The following ANP32A variants were observed in gnomAD, a reference collection of about 807,000 sequenced individuals.
The protein encoded by ANP32A is acidic leucine-rich nuclear phosphoprotein 32 family member A.
Under a neutral mutation model 33.9 loss-of-function variants are expected in ANP32A, and 1 was observed. The ratio of observed to expected loss-of-function variants is 0.03; its 90% CI spans 0.01 to 0.14. The LOEUF (loss-of-function observed/expected upper bound fraction) is 0.14. ANP32A is among the 10% of genes least tolerant of loss of function. ANP32A has a pLI of 1.00. For synonymous variants in ANP32A, 115 were observed against 120.5 expected (o/e 0.95, Z 0.30); for missense variants, 155 against 306.0 (o/e 0.51, Z 3.68).
Position 68,780,591 on chromosome 15 carries a change from A to AGACTT in ANP32A, c.625-123_625-119dup, listed in dbSNP as rs1401443303. On this transcript the variant is annotated intron_variant, in intron 5 of 6. Transcript: ENST00000465139. This position sits in a 1 kb window ranked among gnomAD's most constrained non-coding sequence, Gnocchi z 4.3. ...CCCCAGCCTCTCAGAGCCCCCACCA[A>AGACTT]GACTTGACATCTCGGGAGGAATGTA... The AGACTT allele has an allele frequency of 6.7e-7, 1 of 1,487,938 alleles. No homozygotes were observed. Among genetic ancestry groups the AGACTT allele is most frequent in the Non-Finnish European group, 8.9e-7 (1 of 1,119,186 alleles). The allele number at this position is 1,487,938 out of a possible 1,614,324, so 92.2% of individuals were successfully genotyped here.
intron 1 of ANP32A, among the ~76,000 whole-genome samples, chr15:68,811,609 T>A (rs1305788272): frequency 6.6e-6 from 1 of 152,180 alleles, no homozygotes; most frequent in East Asian, 1.9e-4. Context: ...TAGAGTCCAA[T>A]GTCAGGACTG....
intron 1 of ANP32A, among the ~76,000 whole-genome samples, chr15:68,807,482 T>C (rs1437618124): frequency 3.4e-5 from 5 of 145,964 alleles, no homozygotes; most frequent in Non-Finnish European, 6.1e-5. Context: ...CCCCTCCGCT[T>C]CACAGCTCCA....
intron 1 of ANP32A, among the ~76,000 whole-genome samples, chr15:68,809,558 C>T (rs1426841639): frequency 6.6e-6 from 1 of 152,124 alleles, no homozygotes; most frequent in Non-Finnish European, 1.5e-5. Context: ...GCAAGGTAGA[C>T]ATACTGGGGC....
intron 3 of ANP32A, 124 bp downstream of exon 3, chr15:68,787,289 C>T (rs897381448): frequency 5.1e-6 from 7 of 1,360,506 alleles, no homozygotes; most frequent in African/African-American, 1.4e-5. Flanking sequence ...AATTCTATCT[C>T]ATAGCACATC....
At chr15:68,788,425 C>T (rs1294721179) in intron 1 of ANP32A, among the ~76,000 whole-genome samples, 1 of 151,732 alleles carries the variant, frequency 6.6e-6, no homozygotes, top group African/African-American at 2.4e-5. Flanking sequence ...CTGGCATTCA[C>T]ATGGCAGTAC....
chr15:68,819,386 C>T (rs1008291781), intron 1 of ANP32A, among the ~76,000 whole-genome samples: 3 of 152,260 alleles, frequency 2.0e-5, no homozygotes, highest in African/African-American at 7.2e-5. Flanking sequence ...CCACCCTCAC[C>T]TTCCCCCTCC....
intron 1 of ANP32A, among the ~76,000 whole-genome samples, chr15:68,799,324 G>C (rs938659677): frequency 5.9e-5 from 9 of 152,158 alleles, no homozygotes; most frequent in Non-Finnish European, 1.0e-4. Flanking sequence ...GAAGAAAGGA[G>C]TTGGAGGCTT....
chr15:68,798,776 G>T (rs1894094057), intron 1 of ANP32A, among the ~76,000 whole-genome samples: 3 of 152,256 alleles, frequency 2.0e-5, no homozygotes, highest in Non-Finnish European at 4.4e-5. Context: ...GTGGAGAAGA[G>T]GCAGGGAAAG....
chr15:68,812,747 T>C (rs939603349), intron 1 of ANP32A, among the ~76,000 whole-genome samples: 1 of 152,188 alleles, frequency 6.6e-6, no homozygotes, highest in Non-Finnish European at 1.5e-5. Flanking sequence ...GTTTTACATG[T>C]AGTGAGGGAG....
chr15:68,820,064 T>C (rs1357297414), intron 1 of ANP32A, among the ~76,000 whole-genome samples: 1 of 152,012 alleles, frequency 6.6e-6, no homozygotes, highest in Non-Finnish European at 1.5e-5. Flanking sequence ...AGACGCACTT[T>C]AAACTCCAGC....
chr15:68,811,254 G>A (rs1894308254), intron 1 of ANP32A, among the ~76,000 whole-genome samples: 1 of 152,018 alleles, frequency 6.6e-6, no homozygotes, highest in African/African-American at 2.4e-5. Flanking sequence ...AGAGTGGGAT[G>A]GGCAGTAACT....
At chr15:68,793,555 G>A (rs1894025222) in intron 1 of ANP32A, among the ~76,000 whole-genome samples, 1 of 152,162 alleles carries the variant, frequency 6.6e-6, no homozygotes. Context: ...TGGCCGGCTG[G>A]GAGGAGACAG....
chr15:68,818,278 G>A, intron 1 of ANP32A: 1 of 270,684 alleles, frequency 3.7e-6, no homozygotes, highest in Non-Finnish European at 7.8e-6. Flanking sequence ...TCGCGGCATG[G>A]CCACCAGCTC....
At position 68,807,432 on chromosome 15, in the gene ANP32A, G is replaced by GC. The variant is rs202025574; in HGVS notation, c.54+13265_54+13266insG. On this transcript the variant is annotated intron_variant, in intron 1 of 6. Coordinates refer to ENST00000465139, the MANE Select transcript of ANP32A (RefSeq NM_006305.4). Reference sequence around the variant, plus strand: ...CGCCCCACCTCCACAGAAAACGGGGGGGGGGGAGTCTCTCCTTTGCCCAGA... The same window carrying GC: ...CGCCCCACCTCCACAGAAAACGGGGGCGGGGGGAGTCTCTCCTTTGCCCAGA... Among the ~76,000 whole-genome samples the GC allele has an allele frequency of 1.3e-3, 190 of 148,726 alleles. 8 individuals are homozygous for GC. The East Asian group carries it at 0.032, about 25-fold the overall frequency.
At chr15:68,812,393 T>TG (rs1442819801) in intron 1 of ANP32A, among the ~76,000 whole-genome samples, 4 of 152,034 alleles carry the variant, frequency 2.6e-5, no homozygotes, top group African/African-American at 4.8e-5. Context: ...ACATGGCTGA[T>TG]GGGGGGCCAC....
intron 1 of ANP32A, among the ~76,000 whole-genome samples, chr15:68,815,610 CTG>C (rs1005235499): frequency 6.6e-6 from 1 of 152,166 alleles, no homozygotes; most frequent in African/African-American, 2.4e-5. Context: ...TGTGGTACTC[CTG>C]TGATTGGGGT....
intron 1 of ANP32A, among the ~76,000 whole-genome samples, chr15:68,794,793 T>C (rs1300724921): frequency 6.6e-6 from 1 of 152,212 alleles, no homozygotes; most frequent in African/African-American, 2.4e-5. Context: ...TTAGACATTT[T>C]GAAAGCTAGA....
At position 68,813,440 on chromosome 15, in the gene ANP32A, C is replaced by T. The variant is rs59899272; in HGVS notation, c.54+7258G>A. On this transcript the variant is annotated intron_variant, in intron 1 of 6. Coordinates refer to ENST00000465139, the MANE Select transcript of ANP32A (RefSeq NM_006305.4). ...AACAGATGCCTTCACAAATCTCTGT[C>T]CCTGCCAGACTCCATCTCTTTAATG... is the stretch of plus-strand genomic sequence containing the variant. Among the ~76,000 whole-genome samples, 4 of 152,340 alleles carry T rather than the reference C, an allele frequency of 2.6e-5. 1 individual carries two copies. The East Asian group carries it at 7.7e-4, about 29-fold the overall frequency.
At chr15:68,785,471 G>C (rs951920599) in intron 3 of ANP32A, among the ~76,000 whole-genome samples, 11 of 152,172 alleles carry the variant, frequency 7.2e-5, no homozygotes, top group African/African-American at 2.2e-4. Flanking sequence ...CCATTCCAAA[G>C]GTGGCCAGGT....
Sources: gnomAD v4.1 joint callset for allele counts (sites outside exome capture counted in the v4.1 genomes callset) on GRCh38, gnomAD v4.1.1 for gene constraint, Gnocchi (gnomAD v3.1) non-coding constraint, MANE v1.5 for transcripts, NCBI Gene and HGNC (gene_info 2026-07-23, HGNC 2026-07-21) for gene names.